Variants in ELMOD2 observed in about 807,000 individuals in gnomAD.
ELMOD2 encodes the protein ELMO domain containing 2.
ELMOD2 carries 28 observed loss-of-function variants against 41.0 expected under a neutral mutation model. The observed-to-expected ratio is 0.68, with a 90% CI of 0.51 to 0.94. The LOEUF is 0.94. Ranked by LOEUF, ELMOD2 falls within the 40% of genes least tolerant of loss-of-function variation. ELMOD2 has a pLI of 0.00. For missense variants in ELMOD2, 333 were observed against 343.1 expected (o/e 0.97, Z 0.23); for synonymous variants, 106 against 107.2 (o/e 0.99, Z 0.07).
At chr4:140,534,481 ATGTATT>A (rs1194447551) in intron 3 of ELMOD2, among the ~76,000 whole-genome samples, 1 of 152,134 alleles carries the variant, frequency 6.6e-6, no homozygotes, top group East Asian at 1.9e-4. Context: ...ATCTGGATGT[ATGTATT>A]TGTCAAAACA....
At chr4:140,530,023 T>C (rs1358095619) in intron 3 of ELMOD2, among the ~76,000 whole-genome samples, 2 of 152,084 alleles carry the variant, frequency 1.3e-5, no homozygotes, top group Admixed American at 1.3e-4. Flanking sequence ...ATTTATTGAG[T>C]GAATGAATGA....
Position 140,535,722 on chromosome 4 carries a change from T to C in ELMOD2, c.172-11T>C. 2 of 1,603,044 alleles carry C rather than the reference T, an allele frequency of 1.2e-6. No homozygotes were observed. Among genetic ancestry groups the C allele is most frequent in the South Asian group, 1.1e-5 (1 of 88,094 alleles). On this transcript the variant is annotated splice_polypyrimidine_tract_variant and intron_variant, in intron 3 of 8. Coordinates refer to ENST00000323570, the MANE Select transcript of ELMOD2 (RefSeq NM_153702.4). ...GAATTTTTCTCATTTGGCTTTCTTT[T>C]ACATAAATAGGTTTTACAGAAGGCG...
chr4:140,542,652 G>A lies in ELMOD2; in HGVS notation c.602+10G>A, dbSNP rs759701312. ...ATCATCCAAAATTAGGGTAAGCTGG[G>A]TATATTAAAGAAGCCGTAATCTCTT... On this transcript the variant is annotated intron_variant, in intron 7 of 8. Coordinates refer to ENST00000323570, the MANE Select transcript of ELMOD2 (RefSeq NM_153702.4). 1.3e-6 allele frequency: 2 copies of A among 1,587,354 alleles called. No homozygotes were observed. Among genetic ancestry groups the A allele is most frequent in the Non-Finnish European group, 8.6e-7 (1 of 1,161,946 alleles).
At chr4:140,549,681 C>CTTTTTTT (rs10538089) in intron 8 of ELMOD2, among the ~76,000 whole-genome samples, 8 of 42,932 alleles carry the variant, frequency 1.9e-4, no homozygotes, top group South Asian at 1.4e-3. Context: ...AGTACTACAT[C>CTTTTTTT]TTTTTTTTTT....
At chr4:140,526,965 T>C (rs1040333001) in intron 2 of ELMOD2, among the ~76,000 whole-genome samples, 32 of 152,226 alleles carry the variant, frequency 2.1e-4, no homozygotes, top group Non-Finnish European at 1.5e-4. Context: ...ATTCTTGATA[T>C]AGAAACCAGG....
rs1735463111 is a variant in ELMOD2 at position 140,551,179 on chromosome 4, T to TA, written c.*805dup. 1.3e-5 allele frequency: 2 copies of TA among 152,246 alleles called. No individual in the cohort carries two copies. Among genetic ancestry groups the TA allele is most frequent in the South Asian group, 4.1e-4 (2 of 4,834 alleles). 9.4% of individuals were successfully genotyped at this position (152,246 alleles called of 1,614,324 possible). A position where few individuals can be genotyped will look rare whatever the true frequency, so the allele number is the denominator to read the frequency against. Reference sequence around the variant, plus strand: ...TACCTACATATGAAACTTCTCTACCTATGTATGTTTACGAAAAGAGATGTA... The same window carrying TA: ...TACCTACATATGAAACTTCTCTACCTAATGTATGTTTACGAAAAGAGATGTA... On this transcript the variant is annotated 3_prime_UTR_variant, in exon 9 of 9. Transcript: ENST00000323570.
intron 3 of ELMOD2, among the ~76,000 whole-genome samples, chr4:140,534,623 C>T (rs1037496328): frequency 1.3e-5 from 2 of 152,174 alleles, no homozygotes; most frequent in Non-Finnish European, 2.9e-5. Flanking sequence ...CGTCTTGACT[C>T]TGCCCTAAAT....
At chr4:140,543,738 C>G (rs1469715107) in intron 8 of ELMOD2, 152 bp downstream of exon 8, 1 of 614,470 alleles carries the variant, frequency 1.6e-6, no homozygotes, top group Non-Finnish European at 2.4e-6. Flanking sequence ...AACAAGAAAA[C>G]AGTGGAAGAT....
chr4:140,535,753 T>C lies in ELMOD2; in HGVS notation c.192T>C (p.His64=). ...SKNKVLQKAT[H]VVQSEVDKYV... is the part of the protein sequence containing the mutation. Reference sequence around the variant, plus strand: ...AATAGGTTTTACAGAAGGCGACACATGTTGTTCAGAGTGAAGTGGACAAAT... The same window carrying C: ...AATAGGTTTTACAGAAGGCGACACACGTTGTTCAGAGTGAAGTGGACAAAT... Residue 64 remains histidine, a synonymous_variant, in exon 4 of 9, where the codon CAT becomes CAC. Transcript: ENST00000323570. 4 of 1,610,392 alleles carry C rather than the reference T, an allele frequency of 2.5e-6. No individual in the cohort carries two copies. The highest frequency in any genetic ancestry group is 3.4e-6 in the Non-Finnish European group (4 of 1,179,004).
chr4:140,532,113 C>T (rs1023756183), intron 3 of ELMOD2, among the ~76,000 whole-genome samples: 2 of 151,050 alleles, frequency 1.3e-5, no homozygotes, highest in South Asian at 4.2e-4. Context: ...TAACAGAATG[C>T]TAGCAAATTG....
intron 2 of ELMOD2, among the ~76,000 whole-genome samples, chr4:140,525,888 CATG>C (rs1734547754): frequency 6.6e-6 from 1 of 152,202 alleles, no homozygotes; most frequent in Non-Finnish European, 1.5e-5. Context: ...TTTTCACTCA[CATG>C]GTGGGAAGAA....
intron 8 of ELMOD2, among the ~76,000 whole-genome samples, chr4:140,545,103 ACT>A (rs755255743): frequency 6.6e-6 from 1 of 151,686 alleles, no homozygotes; most frequent in African/African-American, 2.4e-5. Context: ...TCTCTCCATG[ACT>A]CTGCTCACAC....
chr4:140,525,110 C>T (rs1734514248), intron 1 of ELMOD2: 1 of 195,988 alleles, frequency 5.1e-6, no homozygotes, highest in Non-Finnish European at 1.0e-5. Flanking sequence ...AGTTAGGAAA[C>T]TAAGATATGA....
At chr4:140,548,105 CT>C (rs1477698349) in intron 8 of ELMOD2, among the ~76,000 whole-genome samples, 1 of 152,134 alleles carries the variant, frequency 6.6e-6, no homozygotes, top group African/African-American at 2.4e-5. Flanking sequence ...GTTCCTAGTG[CT>C]TTAACTTGAG....
chr4:140,548,559 T>C (rs2110886109), intron 8 of ELMOD2, among the ~76,000 whole-genome samples: 1 of 152,278 alleles, frequency 6.6e-6, no homozygotes, highest in East Asian at 1.9e-4. Flanking sequence ...GGATTTCCAT[T>C]TTACATAGTA....
chr4:140,524,784 A>G lies in ELMOD2; in HGVS notation c.-10+504A>G, dbSNP rs964142181. 24 of 323,320 alleles carry G rather than the reference A, an allele frequency of 7.4e-5. No homozygotes were observed. In the Admixed American group the frequency reaches 8.4e-4, roughly 11 times the overall value. 20.0% of individuals were successfully genotyped at this position (323,320 alleles called of 1,614,324 possible). A position where few individuals can be genotyped will look rare whatever the true frequency, so the allele number is the denominator to read the frequency against. Reference sequence around the variant, plus strand: ...AGAAGCTGAAGAATTTTCTTATGGCATAAGATATAGTTGTATCGAGTGTGT... The same window carrying G: ...AGAAGCTGAAGAATTTTCTTATGGCGTAAGATATAGTTGTATCGAGTGTGT... On this transcript the variant is annotated intron_variant, in intron 1 of 8. Coordinates refer to ENST00000323570, the MANE Select transcript of ELMOD2 (RefSeq NM_153702.4).
intron 4 of ELMOD2, among the ~76,000 whole-genome samples, chr4:140,536,369 C>G (rs1734926631): frequency 6.6e-6 from 1 of 152,132 alleles, no homozygotes; most frequent in Non-Finnish European, 1.5e-5. Flanking sequence ...CTTCATTCAG[C>G]ATTTTCTATG....
chr4:140,548,718 A>T (rs895561021), intron 8 of ELMOD2, among the ~76,000 whole-genome samples: 2 of 152,158 alleles, frequency 1.3e-5, no homozygotes, highest in South Asian at 4.2e-4. Flanking sequence ...ACAACATAGT[A>T]CTTGCATCCT....
intron 8 of ELMOD2, among the ~76,000 whole-genome samples, chr4:140,544,654 C>G (rs186601862): frequency 5.5e-4 from 84 of 152,176 alleles, no homozygotes; most frequent in African/African-American, 2.0e-3. Context: ...TACCAGCCCC[C>G]CTCTCACCCC....
Sources: allele counts gnomAD v4.1 joint callset (sites outside exome capture counted in the v4.1 genomes callset), GRCh38; gene constraint gnomAD v4.1.1; transcripts MANE v1.5; gene names NCBI Gene and HGNC (gene_info 2026-07-23, HGNC 2026-07-21).